The following MAPK8IP3 variants were observed in gnomAD, a reference collection of about 807,000 sequenced individuals.
MAPK8IP3 encodes the protein mitogen-activated protein kinase 8 interacting protein 3.
Under a neutral mutation model 157.8 loss-of-function variants are expected in MAPK8IP3, and 49 were observed. The observed-to-expected ratio is 0.31, with a 90% confidence interval of 0.25 to 0.39. The LOEUF is 0.39. MAPK8IP3 is among the 10% of genes least tolerant of loss of function. The pLI, the probability that MAPK8IP3 is intolerant of heterozygous loss-of-function variation, is 1.00. For missense variants in MAPK8IP3, 1,478 were observed against 1,889.4 expected (o/e 0.78, Z 4.04); for synonymous variants, 897 against 777.7 (o/e 1.15, Z -2.55).
At chr16:1,744,394 A>G (rs1836622297) in intron 5 of MAPK8IP3, 2 of 985,818 alleles carry the variant, frequency 2.0e-6, no homozygotes, top group Non-Finnish European at 2.4e-6. Flanking sequence ...CTAAGTGTCC[A>G]TCGTGCCTGT....
Position 1,724,811 on chromosome 16 carries a change from C to A in MAPK8IP3, c.439+134C>A. On this transcript the variant is annotated intron_variant, in intron 2 of 31. Coordinates refer to ENST00000610761, the MANE Select transcript of MAPK8IP3 (RefSeq NM_001318852.2). The surrounding 1 kb of genome is among the most constrained non-coding windows in gnomAD (Gnocchi z 4.1). Reference sequence around the variant, plus strand: ...CCAGTGGGAGCCTCAGCCATGTATTCCAGCTCTTTGTACTGCTGCCTGTTT... The same window carrying A: ...CCAGTGGGAGCCTCAGCCATGTATTACAGCTCTTTGTACTGCTGCCTGTTT... The A allele has an allele frequency of 8.3e-7, 1 of 1,209,562 alleles. No homozygotes were observed. Among genetic ancestry groups the A allele is most frequent in the Non-Finnish European group, 1.1e-6 (1 of 882,178 alleles). 74.9% of individuals were successfully genotyped at this position (1,209,562 alleles called of 1,614,324 possible).
chr16:1,729,049 G>C, intron 2 of MAPK8IP3, 89 bp from the exon 3 acceptor site: 1 of 1,304,884 alleles, frequency 7.7e-7, no homozygotes. Context: ...GCCTTGTCCT[G>C]GAACCCCCTC....
rs551310852 is a variant in MAPK8IP3 at position 1,747,810 on chromosome 16, C to T, written c.995-434C>T. Reference sequence around the variant, plus strand: ...AGCCCCACTAACCAGTAACCTGCATCGCCCCACGGCACACAGTCCCACTAA... The same window carrying T: ...AGCCCCACTAACCAGTAACCTGCATTGCCCCACGGCACACAGTCCCACTAA... On this transcript the variant is annotated intron_variant, in intron 6 of 31. Transcript: ENST00000610761. Among the ~76,000 whole-genome samples the T allele has an allele frequency of 3.3e-5, 5 of 151,666 alleles. No homozygotes were observed. The East Asian group carries it at 9.7e-4, about 29-fold the overall frequency.
chr16:1,753,544 C>T (rs879515098), intron 8 of MAPK8IP3, among the ~76,000 whole-genome samples: 3 of 151,868 alleles, frequency 2.0e-5, no homozygotes, highest in African/African-American at 7.3e-5. Flanking sequence ...GGGTTCACGC[C>T]ATTCTCCTGC....
chr16:1,766,473 T>C, intron 22 of MAPK8IP3, 56 bp from the exon 23 acceptor site: 2 of 1,601,886 alleles, frequency 1.2e-6, no homozygotes, highest in East Asian at 4.5e-5. Context: ...GGCCTCGGGG[T>C]CTTGGGGCAG....
intron 4 of MAPK8IP3, among the ~76,000 whole-genome samples, chr16:1,739,054 G>GCATC (rs1295795537): frequency 3.7e-5 from 5 of 136,064 alleles, no homozygotes; most frequent in Admixed American, 7.3e-5. Context: ...GTCCGTGTGA[G>GCATC]CGTGTGAGCG....
intron 4 of MAPK8IP3, among the ~76,000 whole-genome samples, chr16:1,738,181 C>A (rs577681783): frequency 1.4e-5 from 1 of 72,788 alleles, no homozygotes; most frequent in Non-Finnish European, 2.5e-5. Flanking sequence ...TCCGTGTGAG[C>A]GTCCGTGAGC....
At chr16:1,760,747 G>T (rs553761890) in intron 12 of MAPK8IP3, among the ~76,000 whole-genome samples, 1 of 152,174 alleles carries the variant, frequency 6.6e-6, no homozygotes, top group Non-Finnish European at 1.5e-5. Flanking sequence ...CCTGTCTCAC[G>T]CGTTCCTTCT....
rs2042109168 is a variant in MAPK8IP3, at chr16:1,764,016, C to T, written c.2026-99C>T. 9.6e-6 allele frequency: 12 copies of T among 1,254,030 alleles called. 1 individual carries two copies. In the South Asian group the frequency reaches 1.8e-4, roughly 18 times the overall value. The allele number at this position is 1,254,030 out of a possible 1,614,324, so 77.7% of individuals were successfully genotyped here. A position where few individuals can be genotyped will look rare whatever the true frequency, so the allele number is the denominator to read the frequency against. ...CCACCTGCCTCCAGTCTTGAAGTGG[C>T]TGTGCCGCCAGAAGCTGGCAGCCCT... On this transcript the variant is annotated intron_variant, in intron 17 of 31. Transcript: ENST00000610761.
rs925526996 is a variant in MAPK8IP3 at position 1,767,228 on chromosome 16, G to C, written c.3168G>C (p.Val1056=). 3.7e-6 allele frequency: 6 copies of C among 1,613,348 alleles called. No homozygotes were observed. The highest frequency in any genetic ancestry group is 5.1e-6 in the Non-Finnish European group (6 of 1,180,032). Residue 1056 remains valine (V), a synonymous_variant, in exon 26 of 32, where the codon GTG becomes GTC. Coordinates refer to ENST00000610761, the MANE Select transcript of MAPK8IP3 (RefSeq NM_001318852.2). ...PHHSIRCMAV[V]YDRVWCGYKN... ...ACTCCATCCGCTGCATGGCTGTTGTGTACGACCGCGTGTGGTGTGGCTACA... is the reference window on the plus strand; with the variant it reads ...ACTCCATCCGCTGCATGGCTGTTGTCTACGACCGCGTGTGGTGTGGCTACA...
intron 2 of MAPK8IP3, among the ~76,000 whole-genome samples, chr16:1,727,448 A>C (rs1352902532): frequency 6.6e-6 from 1 of 151,026 alleles, no homozygotes; most frequent in Admixed American, 6.7e-5. Context: ...CATGTCTGTA[A>C]GTCTTGTGTT....
Position 1,759,939 on chromosome 16 carries a change from T to TCCGC in MAPK8IP3, c.1247-18_1247-15dup, listed in dbSNP as rs1474815199. 9.3e-6 allele frequency: 15 copies of TCCGC among 1,612,758 alleles called. No homozygotes were observed. The highest frequency in any genetic ancestry group is 1.3e-5 in the Non-Finnish European group (15 of 1,178,842). On this transcript the variant is annotated intron_variant, in intron 10 of 31. Coordinates refer to ENST00000610761, the MANE Select transcript of MAPK8IP3 (RefSeq NM_001318852.2). ...TGTTTTGAAGGGCACAGGTGAAACC[T>TCCGC]CCGCACCTTCTGTTTCAGGAATGGG...
chr16:1,716,951 C>G (rs2038192255), intron 1 of MAPK8IP3, among the ~76,000 whole-genome samples: 3 of 151,912 alleles, frequency 2.0e-5, no homozygotes, highest in Admixed American at 2.0e-4. Context: ...CCCATCTACT[C>G]AGGATGCTGA....
At chr16:1,761,374 C>G (rs188125444) in intron 13 of MAPK8IP3, 69 bp downstream of exon 13, 2 of 1,374,342 alleles carry the variant, frequency 1.5e-6, no homozygotes, top group Non-Finnish European at 2.1e-6. Flanking sequence ...GGGCGGCCAC[C>G]GTTCACCATT....
intron 13 of MAPK8IP3, 124 bp from the exon 14 acceptor site, chr16:1,762,227 C>G (rs1245596548): frequency 7.5e-7 from 1 of 1,325,110 alleles, no homozygotes; most frequent in East Asian, 2.6e-5. Context: ...CACACCGCTT[C>G]TTGCCTGAGG....
rs374099237 is a variant in MAPK8IP3, at chr16:1,748,306, G to T, written c.1057G>T (p.Asp353Tyr). 18 of 1,613,852 alleles carry T rather than the reference G, an allele frequency of 1.1e-5. No homozygotes were observed. In the African/African-American group the frequency reaches 2.4e-4, roughly 22 times the overall value. The stretch of plus-strand genomic sequence containing the variant: ...CATTATTGACTCCACGCCAGAGCTG[G>T]ACATGTGTCCAGAGACCCGCCTGGA... ...QDIIDSTPEL[D>Y]MCPETRLDRT... is the part of the protein sequence containing the mutation. The change falls in exon 7 of 32, where the codon GAC becomes TAC. Residue 353 changes from aspartate to tyrosine, a missense_variant. Coordinates refer to ENST00000610761, the MANE Select transcript of MAPK8IP3 (RefSeq NM_001318852.2).
Position 1,762,498 on chromosome 16 carries a change from C to T in MAPK8IP3, c.1670+17C>T, listed in dbSNP as rs373294033. The T allele has an allele frequency of 7.4e-6, 12 of 1,611,376 alleles. No homozygotes were observed. The highest frequency in any genetic ancestry group is 1.0e-5 in the Non-Finnish European group (12 of 1,179,008). Reference sequence around the variant, plus strand: ...GATGATCAGGTGGGAGTTGCGGCCACCCCAGGAGGGGCTGCGGGATCATCC... The same window carrying T: ...GATGATCAGGTGGGAGTTGCGGCCATCCCAGGAGGGGCTGCGGGATCATCC... On this transcript the variant is annotated intron_variant, in intron 14 of 31. Coordinates refer to ENST00000610761, the MANE Select transcript of MAPK8IP3 (RefSeq NM_001318852.2).
In MAPK8IP3 at chr16:1,741,538, G is replaced by A. The variant is rs768297343; in HGVS notation, c.603-1794G>A. On this transcript the variant is annotated intron_variant, in intron 4 of 31. Transcript: ENST00000610761. This position sits in a 1 kb window ranked among gnomAD's most constrained non-coding sequence, Gnocchi z 6.9. ...TGACAGCCAGGACCGCATCGGCTTC[G>A]GTCTAGGGACTGAGACGTGTCTGAT... Among the ~76,000 whole-genome samples, 4 of 152,098 alleles carry A rather than the reference G, an allele frequency of 2.6e-5. No homozygotes were observed. The highest frequency in any genetic ancestry group is 4.8e-5 in the African/African-American group (2 of 41,394).
In MAPK8IP3 at chr16:1,743,698, C is replaced by A; in HGVS notation, c.747+222C>A. On this transcript the variant is annotated intron_variant, in intron 5 of 31. Coordinates refer to ENST00000610761, the MANE Select transcript of MAPK8IP3 (RefSeq NM_001318852.2). The surrounding 1 kb of genome is among the most constrained non-coding windows in gnomAD (Gnocchi z 5.6). ...GTGGCTGTTCCACGCGGCCTCGTGT[C>A]GGCACCTGCTAGTCCAGGCTAGACC... 2.1e-6 allele frequency: 3 copies of A among 1,397,474 alleles called. No homozygotes were observed. In the South Asian group the frequency reaches 5.0e-5, roughly 23 times the overall value. 86.6% of individuals were successfully genotyped at this position (1,397,474 alleles called of 1,614,324 possible). A position where few individuals can be genotyped will look rare whatever the true frequency, so the allele number is the denominator to read the frequency against.
Sources: allele counts gnomAD v4.1 joint callset (sites outside exome capture counted in the v4.1 genomes callset), GRCh38; gene constraint gnomAD v4.1.1; non-coding constraint Gnocchi (gnomAD v3.1); transcripts MANE v1.5; gene names NCBI Gene and HGNC (gene_info 2026-07-23, HGNC 2026-07-21).